Variants in ANXA4 observed in about 807,000 individuals in gnomAD.
ANXA4 encodes annexin A4.
Under a neutral mutation model 49.8 loss-of-function variants are expected in ANXA4, and 39 were observed. That is an observed-to-expected ratio of 0.78 (90% CI 0.61 to 1.02). The LOEUF is 1.02. Among genes scored for constraint, ANXA4 ranks in the 50% least tolerant of loss-of-function variants. ANXA4 has a pLI of 0.00. For synonymous variants in ANXA4, 134 were observed against 152.5 expected, an observed-to-expected ratio of 0.88 and a Z score of 0.89; for missense variants, 360 against 410.1, an observed-to-expected ratio of 0.88 and a Z score of 1.05.
At chr2:69,823,481 A>G (rs2103906226) in intron 12 of ANXA4, among the ~76,000 whole-genome samples, 1 of 152,230 alleles carries the variant, frequency 6.6e-6, no homozygotes, top group South Asian at 2.1e-4. Context: ...ATAAGAAACA[A>G]CTAAAATACA....
intron 2 of ANXA4, among the ~76,000 whole-genome samples, chr2:69,700,685 G>A (rs947142777): frequency 2.0e-5 from 3 of 152,260 alleles, no homozygotes; most frequent in African/African-American, 4.8e-5. Context: ...AAATCTCTAC[G>A]GAGTAGCGTG....
chr2:69,729,585 C>T (rs755604268), intron 3 of ANXA4, among the ~76,000 whole-genome samples: 2 of 152,190 alleles, frequency 1.3e-5, no homozygotes, highest in African/African-American at 4.8e-5. Context: ...AATGCCAGGA[C>T]AGCCGCCCCA....
At chr2:69,667,191 T>C (rs1267818699) in intron 2 of ANXA4, among the ~76,000 whole-genome samples, 1 of 152,136 alleles carries the variant, frequency 6.6e-6, no homozygotes, top group African/African-American at 2.4e-5. Flanking sequence ...TGAAAGAGAC[T>C]GCTAATGGGT....
chr2:69,646,317 T>G (rs1296742642), intron 1 of ANXA4, among the ~76,000 whole-genome samples: 1 of 152,248 alleles, frequency 6.6e-6, no homozygotes, highest in Non-Finnish European at 1.5e-5. Flanking sequence ...CAACTTTTAA[T>G]GTATATTGCT....
At chr2:69,808,133 C>G in intron 6 of ANXA4, 137 bp downstream of exon 6, 1 of 763,120 alleles carries the variant, frequency 1.3e-6, no homozygotes, top group Non-Finnish European at 2.1e-6. Context: ...AGCTCTGCTT[C>G]GAGGGAGATC....
At chr2:69,662,964 T>G (rs1676777097) in intron 2 of ANXA4, among the ~76,000 whole-genome samples, 1 of 151,958 alleles carries the variant, frequency 6.6e-6, no homozygotes, top group Non-Finnish European at 1.5e-5. Context: ...AAATTCAAAT[T>G]TAACCAGATG....
At chr2:69,694,617 T>C (rs1313240634) in intron 2 of ANXA4, among the ~76,000 whole-genome samples, 1 of 146,586 alleles carries the variant, frequency 6.8e-6, no homozygotes, top group Non-Finnish European at 1.5e-5. Context: ...AGTGAGAACA[T>C]GTGGTGTTTG....
Position 69,826,224 on chromosome 2 carries a change from G to C in ANXA4, c.*709G>C, listed in dbSNP as rs1674466414. ...ATGCTGAACATTCCATATTATTATA[G>C]TTAATGTCTTAATCCAGCTTGCAAG... is the stretch of plus-strand genomic sequence containing the variant. On this transcript the variant is annotated 3_prime_UTR_variant, in exon 13 of 13. Transcript: ENST00000394295. 1 of 152,434 alleles carries C rather than the reference G, an allele frequency of 6.6e-6. No homozygotes were observed. The highest frequency in any genetic ancestry group is 2.1e-4 in the South Asian group (1 of 4,832). 9.4% of individuals were successfully genotyped at this position (152,434 alleles called of 1,614,324 possible). A position where few individuals can be genotyped will look rare whatever the true frequency, so the allele number is the denominator to read the frequency against.
Position 69,825,556 on chromosome 2 carries a change from G to T in ANXA4, c.*41G>T. On this transcript the variant is annotated 3_prime_UTR_variant, in exon 13 of 13. Transcript: ENST00000394295. ...AGGACAGGAGGATTCTCAACACTTT[G>T]AATTTTTTTAACTTCATTTTTCTAC... The T allele has an allele frequency of 2.0e-6, 3 of 1,519,766 alleles. No homozygotes were observed. The highest frequency in any genetic ancestry group is 2.7e-6 in the Non-Finnish European group (3 of 1,115,082). 94.1% of individuals were successfully genotyped at this position (1,519,766 alleles called of 1,614,324 possible).
At chr2:69,644,778 T>G (rs1254686024) in exon 1 of ANXA4, 1 of 152,246 alleles carries the variant, frequency 6.6e-6, no homozygotes, top group Non-Finnish European at 1.5e-5. Flanking sequence ...AACCCTAACC[T>G]GACCAGTTAT....
chr2:69,720,075 G>A (rs943299594), intron 2 of ANXA4, among the ~76,000 whole-genome samples: 3 of 152,162 alleles, frequency 2.0e-5, no homozygotes, highest in Non-Finnish European at 4.4e-5. Flanking sequence ...ATTCAGATTA[G>A]GAACGAGCTC....
rs200445416 is a variant in ANXA4, at chr2:69,816,187, G to A, written c.621G>A (p.Leu207=). The change falls in exon 9 of 13, where the codon CTG becomes CTA. Residue 207 remains leucine, a synonymous_variant. Transcript: ENST00000394295. ...TCTGTTCCCGGAACCGAAATCACCT[G>A]TTGCATGGTAAGGCACTTACTTCAT... ...TVLCSRNRNH[L]LHVFDEYKRI... 9.9e-6 allele frequency: 16 copies of A among 1,613,968 alleles called. No homozygotes were observed. The highest frequency in any genetic ancestry group is 1.3e-5 in the African/African-American group (1 of 75,046).
intron 8 of ANXA4, chr2:69,814,743 G>GGTAT (rs1168131518): frequency 1.3e-4 from 16 of 123,632 alleles, no homozygotes; most frequent in African/African-American, 5.7e-4. Flanking sequence ...GACACAGAGG[G>GGTAT]GTGTGTGTGT....
chr2:69,821,403 G>C (rs760980367), intron 12 of ANXA4, among the ~76,000 whole-genome samples: 2 of 152,152 alleles, frequency 1.3e-5, no homozygotes, highest in African/African-American at 4.8e-5. Flanking sequence ...ATCAGCGTTC[G>C]ATCTGTGAAC....
At chr2:69,770,673 C>T (rs955461441) in intron 1 of ANXA4, among the ~76,000 whole-genome samples, 2 of 152,094 alleles carry the variant, frequency 1.3e-5, no homozygotes, top group East Asian at 3.9e-4. Context: ...TCTCTCAGCA[C>T]GACAAGAAAG....
chr2:69,777,349 C>A (rs1366259606), intron 1 of ANXA4, among the ~76,000 whole-genome samples: 1 of 152,204 alleles, frequency 6.6e-6, no homozygotes, highest in South Asian at 2.1e-4. Flanking sequence ...AAAATTCCAA[C>A]TCTTTAATCA....
chr2:69,812,810 C>A, intron 8 of ANXA4, 101 bp downstream of exon 8: 1 of 1,023,330 alleles, frequency 9.8e-7, no homozygotes, highest in South Asian at 1.4e-5. Flanking sequence ...TGTATATTAG[C>A]CAGGCTTGGA....
At chr2:69,727,534 G>T (rs1032180842) in intron 3 of ANXA4, among the ~76,000 whole-genome samples, 1 of 151,902 alleles carries the variant, frequency 6.6e-6, no homozygotes, top group Non-Finnish European at 1.5e-5. Context: ...TGCTATATTG[G>T]CTATTTTGAT....
intron 2 of ANXA4, among the ~76,000 whole-genome samples, chr2:69,661,072 TAGAC>T (rs200739031): frequency 0.015 from 2,342 of 152,086 alleles, 65 homozygotes; most frequent in African/African-American, 0.052. Context: ...AAACAGCAAT[TAGAC>T]AGAAGACTTC....
Sources: allele counts gnomAD v4.1 joint callset (sites outside exome capture counted in the v4.1 genomes callset), GRCh38; gene constraint gnomAD v4.1.1; transcripts MANE v1.5; gene names NCBI Gene and HGNC (gene_info 2026-07-23, HGNC 2026-07-21).